The following STK32A variants were observed in gnomAD, a reference collection of about 807,000 sequenced individuals.
STK32A encodes serine/threonine-protein kinase 32A.
In STK32A, 41 loss-of-function variants were observed where a neutral mutation model predicts 53.2. The ratio of observed to expected loss-of-function variants is 0.77; its 90% CI spans 0.60 to 1.00. The LOEUF is 1.00. Among genes scored for constraint, STK32A ranks in the 50% least tolerant of loss-of-function variants. STK32A has a pLI of 0.00. For synonymous variants in STK32A, 166 were observed against 162.8 expected, an observed-to-expected ratio of 1.02 and a Z score of -0.15; for missense variants, 458 against 485.8, an observed-to-expected ratio of 0.94 and a Z score of 0.54.
Position 147,317,334 on chromosome 5 carries a change from T to TA in STK32A, c.261-6564_261-6563insA, listed in dbSNP as rs1180296947. ...TTTTCTTTTTCTTTCTTTTTTTTTT[T>TA]TTTTTTTTTTTTTGAGAGAGTCTCC... On this transcript the variant is annotated intron_variant, in intron 4 of 12. Coordinates refer to ENST00000397936, the MANE Select transcript of STK32A (RefSeq NM_001112724.2). 1.8e-3 allele frequency among the ~76,000 whole-genome samples: 236 copies of TA among 133,376 alleles called. 1 individual carries two copies. The highest frequency in any genetic ancestry group is 6.5e-3 in the African/African-American group (230 of 35,370). 87.5% of individuals were successfully genotyped at this position (133,376 alleles called of 152,430 possible). A position where few individuals can be genotyped will look rare whatever the true frequency, so the allele number is the denominator to read the frequency against.
chr5:147,373,856 A>G (rs1402574496), intron 10 of STK32A, among the ~76,000 whole-genome samples: 1 of 152,182 alleles, frequency 6.6e-6, no homozygotes, highest in Non-Finnish European at 1.5e-5. Flanking sequence ...TTATGCTGGT[A>G]AGAGCCAGAG....
At chr5:147,330,957 T>C (rs28478946) in intron 5 of STK32A, among the ~76,000 whole-genome samples, 6,815 of 152,300 alleles carry the variant, frequency 0.045, 500 homozygotes, top group African/African-American at 0.15. Flanking sequence ...AGTGTCACCT[T>C]TGTGTCTAAT....
At chr5:147,284,044 T>G (rs2151957435) in intron 4 of STK32A, among the ~76,000 whole-genome samples, 1 of 151,986 alleles carries the variant, frequency 6.6e-6, no homozygotes, top group African/African-American at 2.4e-5. Context: ...GCTAACTGAA[T>G]CCAACAGCAT....
At position 147,254,540 on chromosome 5, in the gene STK32A, G is replaced by A. The variant is rs948484979; in HGVS notation, c.52+14854G>A. Among the ~76,000 whole-genome samples, 6 of 152,272 alleles carry A rather than the reference G, an allele frequency of 3.9e-5. 1 individual carries two copies. Among genetic ancestry groups the A allele is most frequent in the African/African-American group, 1.4e-4 (6 of 41,564 alleles). ...CAGCAAGGCAACGTACTTCTATATA[G>A]AAGGGTGCACCCTTACAGATAGAAT... On this transcript the variant is annotated intron_variant, in intron 2 of 12. Transcript: ENST00000397936.
chr5:147,380,751 A>G (rs547043499), intron 11 of STK32A, among the ~76,000 whole-genome samples: 1 of 152,342 alleles, frequency 6.6e-6, no homozygotes, highest in South Asian at 2.1e-4. Context: ...AAAGAGAAAG[A>G]TACTTAATCA....
intron 5 of STK32A, among the ~76,000 whole-genome samples, chr5:147,338,236 T>C (rs570638750): frequency 1.8e-4 from 28 of 152,206 alleles, no homozygotes; most frequent in African/African-American, 5.8e-4. Context: ...CTTGTGATAG[T>C]GGGTGAGTCT....
At chr5:147,359,683 T>C (rs539958352) in intron 7 of STK32A, among the ~76,000 whole-genome samples, 49 of 152,272 alleles carry the variant, frequency 3.2e-4, no homozygotes, top group Admixed American at 7.2e-4. Context: ...GTCCATCCTG[T>C]CTGTGGGAGT....
intron 4 of STK32A, among the ~76,000 whole-genome samples, chr5:147,316,269 T>C (rs2151974351): frequency 6.6e-6 from 1 of 152,326 alleles, no homozygotes; most frequent in South Asian, 2.1e-4. Flanking sequence ...GAAAGCATTA[T>C]TATGAAATGT....
intron 4 of STK32A, among the ~76,000 whole-genome samples, chr5:147,300,525 C>A (rs767944190): frequency 6.6e-6 from 1 of 152,218 alleles, no homozygotes; most frequent in Non-Finnish European, 1.5e-5. Flanking sequence ...GTGCCTACCG[C>A]ACAGTAAGTG....
At chr5:147,387,949 G>C (rs1349509997), downstream of STK32A, 1 of 152,142 alleles carries the variant, frequency 6.6e-6, no homozygotes, top group African/African-American at 2.4e-5. Context: ...AAAGTAACCC[G>C]TTCTTATGTC....
chr5:147,265,017 C>G (rs977111525), intron 2 of STK32A, among the ~76,000 whole-genome samples: 12 of 151,064 alleles, frequency 7.9e-5, no homozygotes, highest in Middle Eastern at 6.9e-3. Context: ...TCGTGGTTAT[C>G]TTTAGATGGT....
At position 147,260,236 on chromosome 5, in the gene STK32A, CT is replaced by C. The variant is rs1561675371; in HGVS notation, c.53-17887del. On this transcript the variant is annotated intron_variant, in intron 2 of 12. Transcript: ENST00000397936. ...TCCTCTCTCTCTCTCTCCTCTCTGT[CT>C]CTGTCTCTCTCTCTCTCCTCTCTCT... Among the ~76,000 whole-genome samples, 100 of 122,096 alleles carry C rather than the reference CT, an allele frequency of 8.2e-4. 3 individuals carry two copies. The highest frequency in any genetic ancestry group is 3.0e-3 in the African/African-American group (94 of 31,354). The allele number at this position is 122,096 out of a possible 152,430, so 80.1% of individuals were successfully genotyped here.
At chr5:147,358,779 T>C (rs960282428) in intron 7 of STK32A, among the ~76,000 whole-genome samples, 1 of 152,116 alleles carries the variant, frequency 6.6e-6, no homozygotes, top group Admixed American at 6.6e-5. Context: ...TATAAAGCAC[T>C]GAAATAAATA....
Position 147,243,108 on chromosome 5 carries a change from TTTTTTAAAATTTTTAAAAAGA to T in STK32A, c.52+3428_52+3448del, listed in dbSNP as rs1234798717. Among the ~76,000 whole-genome samples, 3 of 53,048 alleles carry T rather than the reference TTTTTTAAAATTTTTAAAAAGA, an allele frequency of 5.7e-5. 1 individual carries two copies. The highest frequency in any genetic ancestry group is 1.3e-4 in the Non-Finnish European group (3 of 23,248). 34.8% of individuals were successfully genotyped at this position (53,048 alleles called of 152,430 possible). A position where few individuals can be genotyped will look rare whatever the true frequency, so the allele number is the denominator to read the frequency against. On this transcript the variant is annotated intron_variant, in intron 2 of 12. Coordinates refer to ENST00000397936, the MANE Select transcript of STK32A (RefSeq NM_001112724.2). Reference sequence around the variant, plus strand: ...ATCCCAATATGTGATTTTTAAAAAGTTTTTTAAAATTTTTAAAAAGATTTTTTAAAAGATTTTTAAAAATAT... The same window carrying T: ...ATCCCAATATGTGATTTTTAAAAAGTTTTTTTAAAAGATTTTTAAAAATAT...
At chr5:147,396,846 C>T in the STK32A span, among the ~76,000 whole-genome samples, 2,989 of 140,794 alleles carry the variant, frequency 0.021, 90 homozygotes, top group African/African-American at 0.075. Context: ...CATATATATA[C>T]GTATATCTGT....
intron 5 of STK32A, among the ~76,000 whole-genome samples, chr5:147,338,499 A>T (rs1755249153): frequency 6.6e-6 from 1 of 152,222 alleles, no homozygotes; most frequent in Non-Finnish European, 1.5e-5. Flanking sequence ...TGCTGTAAAG[A>T]TACCCAAAAA....
chr5:147,294,301 G>A (rs1455819286), intron 4 of STK32A, among the ~76,000 whole-genome samples: 1 of 152,120 alleles, frequency 6.6e-6, no homozygotes, highest in Non-Finnish European at 1.5e-5. Context: ...GTCTCACTCT[G>A]CCCAGCCTGG....
intron 9 of STK32A, among the ~76,000 whole-genome samples, chr5:147,371,668 T>C (rs1015529120): frequency 6.6e-6 from 1 of 152,200 alleles, no homozygotes; most frequent in Non-Finnish European, 1.5e-5. Flanking sequence ...TTATAGCAAT[T>C]GGACACTGCT....
intron 7 of STK32A, among the ~76,000 whole-genome samples, chr5:147,357,213 CT>C (rs199983623): frequency 1.3e-5 from 2 of 152,034 alleles, no homozygotes; most frequent in East Asian, 3.9e-4. Flanking sequence ...TAATAGATTT[CT>C]GTTCTGAAAA....
Sources: gnomAD v4.1 joint callset for allele counts (sites outside exome capture counted in the v4.1 genomes callset) on GRCh38, gnomAD v4.1.1 for gene constraint, MANE v1.5 for transcripts, NCBI Gene and HGNC (gene_info 2026-07-23, HGNC 2026-07-21) for gene names.